The following CNTN4 variants were observed in gnomAD, a reference collection of about 807,000 sequenced individuals.
CNTN4 encodes contactin-4.
Under a neutral mutation model 122.5 loss-of-function variants are expected in CNTN4, and 77 were observed. The observed-to-expected ratio is 0.63, with a 90% CI of 0.52 to 0.76. The LOEUF (loss-of-function observed/expected upper bound fraction) is 0.76. CNTN4 is among the 30% of genes least tolerant of loss of function. CNTN4 has a pLI of 0.00. For synonymous variants in CNTN4, 512 were observed against 447.0 expected (o/e 1.15, Z -1.83); for missense variants, 1,256 against 1,259.1 (o/e 1.00, Z 0.04).
intron 3 of CNTN4, among the ~76,000 whole-genome samples, chr3:2,348,842 T>C (rs1309403285): frequency 6.6e-6 from 1 of 152,230 alleles, no homozygotes; most frequent in African/African-American, 2.4e-5. Flanking sequence ...TCTTGTCTTC[T>C]TTCCATTTTG....
At chr3:2,532,553 C>T (rs147981235) in intron 3 of CNTN4, among the ~76,000 whole-genome samples, 59 of 152,200 alleles carry the variant, frequency 3.9e-4, no homozygotes, top group African/African-American at 1.3e-3. Context: ...AGTTGACTAA[C>T]GAAGGAAATA....
chr3:2,183,243 T>G (rs775259062), intron 2 of CNTN4, among the ~76,000 whole-genome samples: 3 of 152,172 alleles, frequency 2.0e-5, no homozygotes, highest in Non-Finnish European at 4.4e-5. Flanking sequence ...TTTTTAAAAT[T>G]AATTTTAACA....
chr3:2,903,080 A>G (rs2094192689), intron 12 of CNTN4, 75 bp downstream of exon 12: 2 of 1,461,322 alleles, frequency 1.4e-6, no homozygotes, highest in South Asian at 2.4e-5. Context: ...TTTGCCAAGC[A>G]TAAATGTTCA....
intron 3 of CNTN4, among the ~76,000 whole-genome samples, chr3:2,382,831 C>T (rs989480002): frequency 7.9e-5 from 12 of 151,966 alleles, no homozygotes; most frequent in Admixed American, 1.3e-4. Flanking sequence ...CCCAGCACTT[C>T]GGGAGGCCGA....
chr3:2,630,164 G>T (rs2082367947), intron 4 of CNTN4, among the ~76,000 whole-genome samples: 1 of 152,248 alleles, frequency 6.6e-6, no homozygotes, highest in Admixed American at 6.5e-5. Context: ...TCTTTGTGCA[G>T]TGGCTCATGC....
At position 2,857,689 on chromosome 3, in the gene CNTN4, C is replaced by T. The variant is rs116647154; in HGVS notation, c.455-9063C>T. Among the ~76,000 whole-genome samples, 1,356 of 152,260 alleles carry T rather than the reference C, an allele frequency of 8.9e-3. 21 individuals are homozygous for T. The highest frequency in any genetic ancestry group is 0.031 in the African/African-American group (1,291 of 41,546). ...ACCTCCTGGGCGCAAGCGATCCTCC[C>T]ACCTCAGCCTCTCCAGACTCCTGAG... On this transcript the variant is annotated intron_variant, in intron 7 of 24. Coordinates refer to ENST00000418658, the MANE Select transcript of CNTN4 (RefSeq NM_175607.3).
chr3:2,419,229 T>C (rs1365609385), intron 3 of CNTN4, among the ~76,000 whole-genome samples: 2 of 152,202 alleles, frequency 1.3e-5, no homozygotes, highest in East Asian at 3.9e-4. Context: ...CCAAAAATTA[T>C]ATTGGATGAA....
At chr3:2,411,087 A>G (rs895490961) in intron 3 of CNTN4, among the ~76,000 whole-genome samples, 2 of 152,220 alleles carry the variant, frequency 1.3e-5, no homozygotes, top group Non-Finnish European at 2.9e-5. Flanking sequence ...TTTACTTACA[A>G]ACTGACATGC....
intron 3 of CNTN4, among the ~76,000 whole-genome samples, chr3:2,570,133 C>G (rs1193499962): frequency 6.6e-6 from 1 of 152,022 alleles, no homozygotes; most frequent in African/African-American, 2.4e-5. Context: ...AATCCTTCAG[C>G]ACCAGAGGGA....
chr3:2,321,324 T>G (rs11712515), intron 2 of CNTN4, among the ~76,000 whole-genome samples: 2 of 152,102 alleles, frequency 1.3e-5, no homozygotes, highest in Non-Finnish European at 2.9e-5. Context: ...ATTAGCCATG[T>G]ACCCCCATGA....
rs1332304210 is a variant in CNTN4 at position 2,303,657 on chromosome 3, G to A, written c.-144-35521G>A. On this transcript the variant is annotated intron_variant, in intron 2 of 24. Transcript: ENST00000418658. The stretch of plus-strand genomic sequence containing the variant: ...TGTTATCTGTCTTTCTCATGACTTT[G>A]GATTAAATTACTACTATAGCAGGTC... Among the ~76,000 whole-genome samples the A allele has an allele frequency of 7.2e-5, 11 of 152,160 alleles. No individual in the cohort carries two copies. The South Asian group carries it at 8.3e-4, about 11-fold the overall frequency.
At chr3:2,510,375 G>T (rs1027637323) in intron 3 of CNTN4, among the ~76,000 whole-genome samples, 24 of 133,988 alleles carry the variant, frequency 1.8e-4, no homozygotes, top group African/African-American at 2.8e-4. Flanking sequence ...TTTGTTTGGG[G>T]TTTTTTTTTG....
intron 3 of CNTN4, among the ~76,000 whole-genome samples, chr3:2,412,997 AT>A (rs1348155765): frequency 6.6e-6 from 1 of 151,898 alleles, no homozygotes; most frequent in Non-Finnish European, 1.5e-5. Context: ...GTTAACTGTT[AT>A]TGTTCCAAGT....
intron 2 of CNTN4, among the ~76,000 whole-genome samples, chr3:2,144,628 A>G (rs2035157842): frequency 6.6e-6 from 1 of 152,186 alleles, no homozygotes; most frequent in Non-Finnish European, 1.5e-5. Context: ...ATTACCGAGG[A>G]TATGACTTGT....
intron 13 of CNTN4, among the ~76,000 whole-genome samples, chr3:2,932,984 G>A (rs1028072786): frequency 2.0e-5 from 3 of 151,894 alleles, no homozygotes; most frequent in South Asian, 2.1e-4. Flanking sequence ...CACTATGCCC[G>A]GCTAATTTTT....
intron 4 of CNTN4, among the ~76,000 whole-genome samples, chr3:2,576,638 C>T (rs2079702148): frequency 6.6e-6 from 1 of 151,488 alleles, no homozygotes; most frequent in South Asian, 2.1e-4. Context: ...ACCTCCATCT[C>T]CCAGGTTCAA....
In CNTN4 at chr3:3,030,971, A is replaced by G; in HGVS notation, c.1779A>G (p.Val593=). 6.2e-7 allele frequency: 1 copy of G among 1,614,084 alleles called. No individual in the cohort carries two copies. Among genetic ancestry groups the G allele is most frequent in the African/African-American group, 1.3e-5 (1 of 75,042 alleles). The change falls in exon 16 of 25, where the codon GTA becomes GTG. Residue 593 remains valine (V), a synonymous_variant. Coordinates refer to ENST00000418658, the MANE Select transcript of CNTN4 (RefSeq NM_175607.3). The part of the protein sequence containing the change: ...DRLSAAADLI[V]RGPPGPPEAV... Reference sequence around the variant, plus strand: ...TATCTGCTGCTGCAGACCTGATTGTAAGAGGTACTGGATTTTGTTGTTATT... The same window carrying G: ...TATCTGCTGCTGCAGACCTGATTGTGAGAGGTACTGGATTTTGTTGTTATT...
At chr3:2,115,334 C>T (rs1424706608) in intron 2 of CNTN4, among the ~76,000 whole-genome samples, 8 of 152,180 alleles carry the variant, frequency 5.3e-5, no homozygotes, top group Admixed American at 5.2e-4. Context: ...CTGCTTTGTC[C>T]TCTAGTTCTT....
At chr3:2,658,636 T>C (rs929911660) in intron 4 of CNTN4, among the ~76,000 whole-genome samples, 2 of 152,208 alleles carry the variant, frequency 1.3e-5, no homozygotes, top group Non-Finnish European at 2.9e-5. Flanking sequence ...CATGAGCATT[T>C]GTACCATCCT....
Sources: allele counts gnomAD v4.1 joint callset (sites outside exome capture counted in the v4.1 genomes callset), GRCh38; gene constraint gnomAD v4.1.1; transcripts MANE v1.5; gene names NCBI Gene and HGNC (gene_info 2026-07-23, HGNC 2026-07-21).